Variants in PKHD1L1 observed in about 807,000 individuals in gnomAD.
PKHD1L1 encodes the protein PKHD1 like 1.
In PKHD1L1, 434 loss-of-function variants were observed where a neutral mutation model predicts 462.9. The ratio of observed to expected loss-of-function variants is 0.94; its 90% confidence interval spans 0.87 to 1.02. The LOEUF (loss-of-function observed/expected upper bound fraction) is 1.02, where lower values mean the gene tolerates loss of function less well. Ranked by LOEUF, PKHD1L1 falls within the 50% of genes least tolerant of loss-of-function variation. PKHD1L1 has a pLI of 0.00. For synonymous variants in PKHD1L1, 1,781 were observed against 1,750.0 expected (o/e 1.02, Z -0.44); for missense variants, 5,202 against 5,096.1 (o/e 1.02, Z -0.63).
intron 75 of PKHD1L1, 102 bp from the exon 76 acceptor site, chr8:109,523,131 A>G: frequency 1.7e-6 from 2 of 1,200,532 alleles, no homozygotes; most frequent in East Asian, 5.1e-5. Flanking sequence ...GCAGATTTTC[A>G]ATTTATAATG....
intron 16 of PKHD1L1, among the ~76,000 whole-genome samples, chr8:109,405,523 A>G (rs1262887097): frequency 6.6e-6 from 1 of 152,158 alleles, no homozygotes; most frequent in Non-Finnish European, 1.5e-5. Context: ...AAGGGATGAG[A>G]TCATGTCCTT....
chr8:109,371,605 C>T (rs1811514438), intron 2 of PKHD1L1, among the ~76,000 whole-genome samples: 1 of 143,284 alleles, frequency 7.0e-6, no homozygotes, highest in Non-Finnish European at 1.5e-5. Flanking sequence ...ATGGTATTGC[C>T]TAGGTTTTCT....
chr8:109,511,494 T>G (rs1236152152), intron 71 of PKHD1L1, among the ~76,000 whole-genome samples: 2 of 151,744 alleles, frequency 1.3e-5, no homozygotes, highest in Admixed American at 1.3e-4. Flanking sequence ...GATTTCCAAT[T>G]TCATCCATGT....
chr8:109,486,504 A>T, intron 58 of PKHD1L1, 144 bp from the exon 59 acceptor site: 1 of 596,924 alleles, frequency 1.7e-6, no homozygotes, highest in Non-Finnish European at 2.8e-6. Context: ...TGCCATCTAT[A>T]TATGTTTAAC....
chr8:109,367,742 A>G (rs1474234135), intron 2 of PKHD1L1, among the ~76,000 whole-genome samples: 1 of 152,180 alleles, frequency 6.6e-6, no homozygotes, highest in East Asian at 1.9e-4. Flanking sequence ...CAAATGAAAC[A>G]TTTAAAACAT....
At chr8:109,445,694 T>TTTA in intron 38 of PKHD1L1, 49 bp downstream of exon 38, 1 of 1,451,168 alleles carries the variant, frequency 6.9e-7, no homozygotes, top group South Asian at 1.3e-5. Context: ...ATCGATAATA[T>TTTA]TTATTAGTAT....
At chr8:109,480,285 G>C (rs528515624) in intron 55 of PKHD1L1, 146 bp downstream of exon 55, 1 of 827,788 alleles carries the variant, frequency 1.2e-6, no homozygotes, top group East Asian at 2.7e-5. Flanking sequence ...TCTCAGTTAA[G>C]TCCAATATAT....
chr8:109,429,405 CT>C lies in PKHD1L1; in HGVS notation c.3068del (p.Leu1023TyrfsTer46). ...MTVTRIKEGG[L>X]FRQHVLGDLL... ...CAGTTACAAGGATAAAGGAAGGTGG[CT>C]TATTCAGACAACATGTACTTGGAGA... is the stretch of plus-strand genomic sequence containing the variant. On this transcript the variant is annotated frameshift_variant, in exon 26 of 78. Transcript: ENST00000378402. LOFTEE classifies it high-confidence loss of function. The C allele has an allele frequency of 1.2e-6, 2 of 1,600,762 alleles. No individual in the cohort carries two copies. Among genetic ancestry groups the C allele is most frequent in the Non-Finnish European group, 1.7e-6 (2 of 1,171,460 alleles).
chr8:109,515,437 C>A, intron 72 of PKHD1L1, 132 bp downstream of exon 72: 1 of 665,692 alleles, frequency 1.5e-6, no homozygotes, highest in Non-Finnish European at 2.2e-6. Flanking sequence ...TAGCCATAGT[C>A]CACCAAATAC....
chr8:109,402,488 T>G (rs932875400), intron 14 of PKHD1L1, among the ~76,000 whole-genome samples: 2 of 152,120 alleles, frequency 1.3e-5, no homozygotes, highest in Non-Finnish European at 2.9e-5. Flanking sequence ...TCCAGGAGAC[T>G]AGCCCCGGTT....
chr8:109,373,667 C>T (rs1811640432), intron 2 of PKHD1L1, among the ~76,000 whole-genome samples: 1 of 152,200 alleles, frequency 6.6e-6, no homozygotes, highest in African/African-American at 2.4e-5. Context: ...CCTCTACACA[C>T]TGCTTTGAAT....
At chr8:109,516,556 G>A (rs569563229) in intron 72 of PKHD1L1, among the ~76,000 whole-genome samples, 11 of 152,178 alleles carry the variant, frequency 7.2e-5, no homozygotes, top group African/African-American at 2.4e-4. Context: ...TGTAAAATTT[G>A]GGGACACAAT....
chr8:109,371,016 A>G (rs543260320), intron 2 of PKHD1L1, among the ~76,000 whole-genome samples: 1 of 152,340 alleles, frequency 6.6e-6, no homozygotes, highest in Non-Finnish European at 1.5e-5. Context: ...TCCTTTGGGT[A>G]TATACCCAGT....
In PKHD1L1 at chr8:109,459,902, T is replaced by C. The variant is rs539857375; in HGVS notation, c.7246+66T>C. ...ATAGTTTTACAATTTAATTGGTTTA[T>C]ATTGAAATACATTATTTCAATGTAT... On this transcript the variant is annotated intron_variant, in intron 47 of 77. Transcript: ENST00000378402. 4.3e-6 allele frequency: 6 copies of C among 1,381,296 alleles called. No homozygotes were observed. The East Asian group carries it at 1.5e-4, about 34-fold the overall frequency. The allele number at this position is 1,381,296 out of a possible 1,614,324, so 85.6% of individuals were successfully genotyped here.
At chr8:109,455,247 A>G (rs978616839) in intron 45 of PKHD1L1, among the ~76,000 whole-genome samples, 1 of 152,250 alleles carries the variant, frequency 6.6e-6, no homozygotes, top group Admixed American at 6.5e-5. Flanking sequence ...CTGAGGCAGG[A>G]GAATCACTTG....
At position 109,420,529 on chromosome 8, in the gene PKHD1L1, A is replaced by G. The variant is rs773566571; in HGVS notation, c.2536A>G (p.Arg846Gly). ...TISTLDEMPKRRLPALANKGI... is the reference protein window; with the variant it reads ...TISTLDEMPKGRLPALANKGI... ...TTTATATTCTTTAGAAATGCCCAAG[A>G]GAAGACTTCCTGCATTAGCAAATAA... The change falls in exon 23 of 78, where the codon AGA becomes GGA. Residue 846 changes from arginine (R) to glycine (G), a missense_variant. Around this residue, in one of 3 missense-constraint regions of PKHD1L1, gnomAD observed 4,497 missense variants for 4,336.8 expected, o/e 1.04. Transcript: ENST00000378402. The G allele has an allele frequency of 4.0e-5, 63 of 1,583,894 alleles. No individual in the cohort carries two copies. The highest frequency in any genetic ancestry group is 1.7e-4 in the Middle Eastern group (1 of 5,954).
intron 73 of PKHD1L1, among the ~76,000 whole-genome samples, chr8:109,519,535 T>G (rs984448680): frequency 1.2e-4 from 18 of 152,064 alleles, no homozygotes; most frequent in African/African-American, 4.3e-4. Flanking sequence ...TATCCCCCAC[T>G]GCTAACCTGC....
chr8:109,382,139 T>C (rs1812153335), intron 3 of PKHD1L1, among the ~76,000 whole-genome samples: 1 of 152,162 alleles, frequency 6.6e-6, no homozygotes, highest in Non-Finnish European at 1.5e-5. Context: ...ATGGAATAAC[T>C]GATTGTACCG....
At chr8:109,454,683 GT>G in intron 44 of PKHD1L1, 39 bp from the exon 45 acceptor site, 1 of 1,603,744 alleles carries the variant, frequency 6.2e-7, no homozygotes, top group Non-Finnish European at 8.5e-7. Flanking sequence ...TGGATTTGGG[GT>G]TTTAATTTTC....
Sources: allele counts gnomAD v4.1 joint callset (sites outside exome capture counted in the v4.1 genomes callset), GRCh38; gene constraint gnomAD v4.1.1; regional missense constraint gnomAD v4.1.1; transcripts MANE v1.5; gene names NCBI Gene and HGNC (gene_info 2026-07-23, HGNC 2026-07-21).